Variants in SNX6 observed in about 807,000 individuals in gnomAD.
The protein encoded by SNX6 is sorting nexin-6.
A neutral mutation model predicts 63.0 loss-of-function variants in SNX6; 34 were observed. The ratio of observed to expected loss-of-function variants is 0.54; its 90% CI spans 0.41 to 0.72. The LOEUF (loss-of-function observed/expected upper bound fraction) is 0.72. Ranked by LOEUF, SNX6 falls within the 30% of genes least tolerant of loss-of-function variation. The pLI, the probability that SNX6 is intolerant of heterozygous loss-of-function variation, is 0.00. For synonymous variants in SNX6, 170 were observed against 164.2 expected (o/e 1.04, Z -0.27); for missense variants, 398 against 471.4 (o/e 0.84, Z 1.44).
chr14:34,592,533 A>C (rs1407792529), intron 8 of SNX6, among the ~76,000 whole-genome samples: 4 of 152,104 alleles, frequency 2.6e-5, no homozygotes, highest in African/African-American at 4.8e-5. Context: ...AAAAGGCAAA[A>C]ACTATCACAG....
chr14:34,579,446 C>T (rs924994213), intron 10 of SNX6, among the ~76,000 whole-genome samples: 2 of 151,392 alleles, frequency 1.3e-5, no homozygotes, highest in African/African-American at 4.9e-5. Flanking sequence ...GTGAGACTCC[C>T]TCTCTACAAA....
At position 34,605,644 on chromosome 14, in the gene SNX6, C is replaced by A; in HGVS notation, c.344G>T (p.Gly115Val). The A allele has an allele frequency of 6.2e-7, 1 of 1,609,956 alleles. No individual in the cohort carries two copies. Among genetic ancestry groups the A allele is most frequent in the Non-Finnish European group, 8.5e-7 (1 of 1,178,354 alleles). Residue 115 changes from glycine (G) to valine (V), a missense_variant, in exon 5 of 14, where the codon GGG becomes GTG. Gly to Val is a moderately radical substitution (Grantham distance 109). Coordinates refer to ENST00000362031, the MANE Select transcript of SNX6 (RefSeq NM_152233.4). ...EKLQKLGEGE[G>V]SMTKEEFTKM... is the part of the protein sequence containing the mutation. ...TGTGAATTCTTCCTTCGTCATTGAC[C>A]CTTCTCCTTCACCAAGCTTCTGTAG...
chr14:34,624,541 T>A (rs1682309426), intron 2 of SNX6, among the ~76,000 whole-genome samples: 1 of 152,192 alleles, frequency 6.6e-6, no homozygotes, highest in East Asian at 1.9e-4. Flanking sequence ...CTCACACCTG[T>A]AATCCCAGCA....
At position 34,607,943 on chromosome 14, in the gene SNX6, C is replaced by CA. The variant is rs1883083787; in HGVS notation, c.270+86dup. 5 of 662,240 alleles carry CA rather than the reference C, an allele frequency of 7.6e-6. No homozygotes were observed. The South Asian group carries it at 9.1e-5, about 12-fold the overall frequency. The allele number at this position is 662,240 out of a possible 1,614,324, so 41.0% of individuals were successfully genotyped here. On this transcript the variant is annotated intron_variant, in intron 4 of 13. Transcript: ENST00000362031. Reference sequence around the variant, plus strand: ...CAAAACAAAACAAAAAAACAGTTCACAAAAAATGCTAAACAAGATTCCAAA... The same window carrying CA: ...CAAAACAAAACAAAAAAACAGTTCACAAAAAAATGCTAAACAAGATTCCAAA...
chr14:34,586,351 A>T, intron 8 of SNX6, 46 bp from the exon 9 acceptor site: 1 of 1,252,322 alleles, frequency 8.0e-7, no homozygotes, highest in Non-Finnish European at 1.2e-6. Context: ...TCATAGATTT[A>T]AAAATACTTA....
At chr14:34,596,395 C>G (rs1882598955) in intron 7 of SNX6, among the ~76,000 whole-genome samples, 1 of 151,622 alleles carries the variant, frequency 6.6e-6, no homozygotes, top group Admixed American at 6.6e-5. Flanking sequence ...CCGAGGCAGA[C>G]AGATCACGAG....
At chr14:34,609,480 C>CAAAAAAAAA in intron 3 of SNX6, among the ~76,000 whole-genome samples, 158 bp downstream of exon 3, 1 of 65,028 alleles carries the variant, frequency 1.5e-5, no homozygotes. Flanking sequence ...GACTCCGTCT[C>CAAAAAAAAA]AAAAAAAAAA....
At chr14:34,596,632 A>AAAG (rs1555326663) in intron 7 of SNX6, among the ~76,000 whole-genome samples, 5 of 150,592 alleles carry the variant, frequency 3.3e-5, no homozygotes, top group African/African-American at 7.3e-5. Flanking sequence ...AAAAAAAAAA[A>AAAG]AGAGAGAGAG....
At chr14:34,602,182 T>G (rs1241100913) in intron 6 of SNX6, among the ~76,000 whole-genome samples, 1 of 151,724 alleles carries the variant, frequency 6.6e-6, no homozygotes, top group Non-Finnish European at 1.5e-5. Context: ...TCCCAGCACT[T>G]TGGGAGGCTA....
At chr14:34,588,314 T>C (rs889084727) in intron 8 of SNX6, among the ~76,000 whole-genome samples, 6 of 151,834 alleles carry the variant, frequency 4.0e-5, no homozygotes, top group Non-Finnish European at 5.9e-5. Flanking sequence ...GCCAGAGATG[T>C]GGTTTCATCA....
At position 34,581,509 on chromosome 14, in the gene SNX6, G is replaced by A. The variant is rs1566471212; in HGVS notation, c.834+52C>T. 6 of 1,029,022 alleles carry A rather than the reference G, an allele frequency of 5.8e-6. No homozygotes were observed. The East Asian group carries it at 1.5e-4, about 25-fold the overall frequency. 63.7% of individuals were successfully genotyped at this position (1,029,022 alleles called of 1,614,324 possible). On this transcript the variant is annotated intron_variant, in intron 10 of 13. Transcript: ENST00000362031. ...ATTGTGGTAAAAACCTTTAACATGA[G>A]CTCTCTCTGGGCACAATATTATGCA...
At chr14:34,569,067 G>A in intron 11 of SNX6, 1 of 1,204,512 alleles carries the variant, frequency 8.3e-7, no homozygotes, top group Non-Finnish European at 1.2e-6. Flanking sequence ...ACTTTCTGAG[G>A]AAGGCTGCCA....
chr14:34,588,397 T>C (rs1882259659), intron 8 of SNX6, among the ~76,000 whole-genome samples: 1 of 152,070 alleles, frequency 6.6e-6, no homozygotes, highest in Non-Finnish European at 1.5e-5. Flanking sequence ...ATGCTGGGAT[T>C]ACAGGCATGA....
At chr14:34,595,493 C>A (rs1882563123) in intron 7 of SNX6, among the ~76,000 whole-genome samples, 1 of 152,086 alleles carries the variant, frequency 6.6e-6, no homozygotes, top group Non-Finnish European at 1.5e-5. Flanking sequence ...TTATTAAGAT[C>A]ACACAAGAAA....
chr14:34,626,601 A>AG lies in SNX6; in HGVS notation c.54+3305dup, dbSNP rs1468418455. Among the ~76,000 whole-genome samples the AG allele has an allele frequency of 6.7e-5, 10 of 149,282 alleles. No individual in the cohort carries two copies. The East Asian group carries it at 1.6e-3, about 24-fold the overall frequency. ...ATGGCATAGCATGAACCCAGGAGGC[A>AG]GAGCTTGCAGCGAGCTGAGATCACG... On this transcript the variant is annotated intron_variant, in intron 2 of 13. Coordinates refer to ENST00000362031, the MANE Select transcript of SNX6 (RefSeq NM_152233.4).
chr14:34,616,992 G>T (rs533061450), intron 2 of SNX6, among the ~76,000 whole-genome samples: 2 of 152,254 alleles, frequency 1.3e-5, no homozygotes, highest in Non-Finnish European at 2.9e-5. Context: ...TGAGGCAGGA[G>T]AATTGCTTGA....
chr14:34,614,567 C>CT (rs1350628244), intron 2 of SNX6, among the ~76,000 whole-genome samples: 1 of 152,158 alleles, frequency 6.6e-6, no homozygotes, highest in Non-Finnish European at 1.5e-5. Flanking sequence ...TTTTCCTTGC[C>CT]TTTATATTCT....
intron 9 of SNX6, among the ~76,000 whole-genome samples, chr14:34,581,960 C>T (rs147072954): frequency 0.09 from 13,705 of 152,010 alleles, 876 homozygotes; most frequent in African/African-American, 0.19. Flanking sequence ...TCCCGAATAG[C>T]TGGGACTACA....
intron 13 of SNX6, 122 bp from the exon 14 acceptor site, chr14:34,563,297 G>A (rs1594684012): frequency 9.2e-6 from 8 of 872,562 alleles, no homozygotes; most frequent in Non-Finnish European, 1.1e-5. Flanking sequence ...GGTGGCTCAT[G>A]CCTGTAATCC....
Sources: gnomAD v4.1 joint callset for allele counts (sites outside exome capture counted in the v4.1 genomes callset) on GRCh38, gnomAD v4.1.1 for gene constraint, MANE v1.5 for transcripts, NCBI Gene and HGNC (gene_info 2026-07-23, HGNC 2026-07-21) for gene names.